The following DNAJB6 variants were observed in gnomAD, a reference collection of about 807,000 sequenced individuals.
DNAJB6 encodes the protein dnaJ homolog subfamily B member 6.
DNAJB6 carries 16 observed loss-of-function variants against 42.7 expected under a neutral mutation model. That is an observed-to-expected ratio of 0.37 (90% CI 0.25 to 0.57). DNAJB6 has a LOEUF of 0.57. Among genes scored for constraint, DNAJB6 ranks in the 20% least tolerant of loss-of-function variants. The pLI, the probability that DNAJB6 is intolerant of heterozygous loss-of-function variation, is 0.74. For synonymous variants in DNAJB6, 170 were observed against 163.5 expected (o/e 1.04, Z -0.30); for missense variants, 347 against 416.8 (o/e 0.83, Z 1.46).
At chr7:157,410,123 TCGGGCGGGGCGGGAGGA>T (rs1371956664) in intron 9 of DNAJB6, 122 bp downstream of exon 9, 2 of 1,413,208 alleles carry the variant, frequency 1.4e-6, no homozygotes, top group African/African-American at 1.5e-5. Context: ...GCGTGGGCGG[TCGGGCGGGGCGGGAGGA>T]GGTAGCCTCG....
chr7:157,360,063 C>T (rs1005737232), intron 2 of DNAJB6, among the ~76,000 whole-genome samples: 9 of 152,184 alleles, frequency 5.9e-5, no homozygotes, highest in Non-Finnish European at 1.3e-4. Context: ...GTTGGGAATA[C>T]CTTACTCCTC....
intron 8 of DNAJB6, among the ~76,000 whole-genome samples, chr7:157,388,089 ATCCACCT>A (rs1376780800): frequency 6.6e-6 from 1 of 152,178 alleles, no homozygotes; most frequent in African/African-American, 2.4e-5. Context: ...CAAGTGATCC[ATCCACCT>A]TGGCCTCCCA....
chr7:157,393,544 G>A (rs1801446739), intron 8 of DNAJB6, among the ~76,000 whole-genome samples: 1 of 152,124 alleles, frequency 6.6e-6, no homozygotes. Context: ...TAGAGAGGGT[G>A]AAGCTCCCGG....
chr7:157,403,173 C>G (rs1421371331), intron 8 of DNAJB6, among the ~76,000 whole-genome samples: 1 of 152,142 alleles, frequency 6.6e-6, no homozygotes, highest in Non-Finnish European at 1.5e-5. Flanking sequence ...TTCTATGAGT[C>G]TCTGATCAGC....
Position 157,342,195 on chromosome 7 carries a change from TCTCA to T in DNAJB6, c.-27+5055_-27+5058del, listed in dbSNP as rs1191406956. Among the ~76,000 whole-genome samples, 5 of 151,772 alleles carry T rather than the reference TCTCA, an allele frequency of 3.3e-5. No homozygotes were observed. The East Asian group carries it at 9.7e-4, about 29-fold the overall frequency. ...AATAATAATTTTTTTTGAGACAGGGTCTCACTCTGTCACCCAGACTGGAGTGCAG... is the reference window on the plus strand; with the variant it reads ...AATAATAATTTTTTTTGAGACAGGGTCTCTGTCACCCAGACTGGAGTGCAG... On this transcript the variant is annotated intron_variant, in intron 1 of 9. Coordinates refer to ENST00000262177, the MANE Select transcript of DNAJB6 (RefSeq NM_058246.4).
chr7:157,379,842 T>C (rs1800663670), intron 5 of DNAJB6: 1 of 143,386 alleles, frequency 7.0e-6, no homozygotes, highest in African/African-American at 2.6e-5. Flanking sequence ...GATGGACTCA[T>C]GTTCTGCTGC....
chr7:157,362,658 A>G (rs1305563399), intron 2 of DNAJB6, among the ~76,000 whole-genome samples: 1 of 152,160 alleles, frequency 6.6e-6, no homozygotes, highest in Admixed American at 6.5e-5. Context: ...ATGAGCCACC[A>G]CGCCTGGCCT....
chr7:157,340,534 AT>A (rs57143094), intron 1 of DNAJB6, among the ~76,000 whole-genome samples: 21,546 of 148,704 alleles, frequency 0.14, 2,100 homozygotes, highest in East Asian at 0.31. Flanking sequence ...TAAAAATGTG[AT>A]TTTTTTTTTT....
intron 5 of DNAJB6, among the ~76,000 whole-genome samples, chr7:157,375,275 C>G (rs1172436348): frequency 6.6e-6 from 1 of 152,154 alleles, no homozygotes; most frequent in Non-Finnish European, 1.5e-5. Flanking sequence ...TGCTGCTGTT[C>G]TGGTGGTTTC....
intron 8 of DNAJB6, among the ~76,000 whole-genome samples, chr7:157,387,295 C>A (rs780020556): frequency 6.6e-6 from 1 of 152,170 alleles, no homozygotes; most frequent in Non-Finnish European, 1.5e-5. Context: ...TCTGTTGTGT[C>A]GGAAATAACC....
chr7:157,391,307 G>A (rs1041856449), intron 8 of DNAJB6, among the ~76,000 whole-genome samples: 3 of 152,236 alleles, frequency 2.0e-5, no homozygotes, highest in African/African-American at 7.2e-5. Flanking sequence ...TCTAAGCCAA[G>A]TAACCTCTTA....
chr7:157,369,563 A>G, intron 5 of DNAJB6: 2 of 344,288 alleles, frequency 5.8e-6, no homozygotes, highest in East Asian at 8.2e-5. Flanking sequence ...CTTTCTTACC[A>G]TTATTATTAA....
chr7:157,374,991 C>T, intron 5 of DNAJB6, among the ~76,000 whole-genome samples: 1 of 152,212 alleles, frequency 6.6e-6, no homozygotes, highest in East Asian at 1.9e-4. Context: ...CCCTGGTCAA[C>T]TTGTGGACAA....
chr7:157,363,315 G>T (rs751948856), intron 3 of DNAJB6, 45 bp downstream of exon 3: 28 of 1,356,000 alleles, frequency 2.1e-5, no homozygotes, highest in Middle Eastern at 1.8e-4. Flanking sequence ...GGGCATGCCG[G>T]AATGCGGAGT....
intron 8 of DNAJB6, among the ~76,000 whole-genome samples, chr7:157,404,390 C>G (rs540931517): frequency 2.7e-5 from 4 of 150,352 alleles, no homozygotes; most frequent in African/African-American, 9.8e-5. Flanking sequence ...CCCCTCGGCT[C>G]AAGTAATTCT....
intron 1 of DNAJB6, among the ~76,000 whole-genome samples, chr7:157,341,769 G>T (rs1273679000): frequency 1.3e-5 from 2 of 152,208 alleles, no homozygotes; most frequent in African/African-American, 4.8e-5. Context: ...TCTAGTTTGT[G>T]TATGTCCTGA....
chr7:157,366,313 G>C (rs1475480130), intron 3 of DNAJB6, among the ~76,000 whole-genome samples, 189 bp from the exon 4 acceptor site: 2 of 152,076 alleles, frequency 1.3e-5, no homozygotes. Context: ...TTTTTGAATT[G>C]TTTTTCAGGA....
intron 5 of DNAJB6, chr7:157,381,961 A>G (rs758977477): frequency 5.7e-5 from 13 of 229,130 alleles, no homozygotes; most frequent in Non-Finnish European, 6.0e-5. Context: ...TTTGAAGTGC[A>G]TATTGGTCCT....
At chr7:157,358,665 C>T (rs1472079040) in intron 2 of DNAJB6, 28 bp downstream of exon 2, 9 of 1,561,424 alleles carry the variant, frequency 5.8e-6, no homozygotes, top group Non-Finnish European at 6.2e-6. Context: ...TGTGGTAATG[C>T]ATTTTCACAG....
Sources: allele counts gnomAD v4.1 joint callset (sites outside exome capture counted in the v4.1 genomes callset), GRCh38; gene constraint gnomAD v4.1.1; transcripts MANE v1.5; gene names NCBI Gene and HGNC (gene_info 2026-07-23, HGNC 2026-07-21).